The following GOLM1 variants were observed in gnomAD, a reference collection of about 807,000 sequenced individuals.
GOLM1 encodes golgi membrane protein 1, also known as epididymis luminal protein 46.
A neutral mutation model predicts 50.5 loss-of-function variants in GOLM1; 31 were observed. The ratio of observed to expected loss-of-function variants is 0.61; its 90% CI spans 0.46 to 0.83. The LOEUF is 0.83. Ranked by LOEUF, GOLM1 falls within the 40% of genes least tolerant of loss-of-function variation. GOLM1 has a pLI of 0.00. For synonymous variants in GOLM1, 178 were observed against 192.8 expected, an observed-to-expected ratio of 0.92 and a Z score of 0.64; for missense variants, 491 against 501.3, an observed-to-expected ratio of 0.98 and a Z score of 0.20.
At chr9:86,031,731 G>A (rs1832990194) in intron 9 of GOLM1, among the ~76,000 whole-genome samples, 1 of 151,512 alleles carries the variant, frequency 6.6e-6, no homozygotes, top group Non-Finnish European at 1.5e-5. Context: ...CAAAGTGCTG[G>A]GTTACAGGTG....
intron 3 of GOLM1, among the ~76,000 whole-genome samples, chr9:86,060,389 T>A (rs1424733450): frequency 1.3e-5 from 2 of 151,926 alleles, no homozygotes; most frequent in Admixed American, 1.3e-4. Context: ...GATTACACAC[T>A]CACACACTCA....
chr9:86,067,899 A>G (rs542347986), intron 3 of GOLM1, among the ~76,000 whole-genome samples: 1 of 152,228 alleles, frequency 6.6e-6, no homozygotes, highest in African/African-American at 2.4e-5. Context: ...CCAACTACTT[A>G]GGAGGCTGAG....
chr9:86,074,045 T>C (rs1017891238), intron 3 of GOLM1, among the ~76,000 whole-genome samples: 5 of 152,106 alleles, frequency 3.3e-5, no homozygotes, highest in Non-Finnish European at 4.4e-5. Context: ...TGACAGTGAC[T>C]GCTTGAGGTG....
chr9:86,075,534 C>T (rs1188648665), intron 3 of GOLM1, among the ~76,000 whole-genome samples: 1 of 152,128 alleles, frequency 6.6e-6, no homozygotes, highest in Non-Finnish European at 1.5e-5. Context: ...GAAAACAGAT[C>T]CAGAGAATTT....
chr9:86,062,877 A>G (rs1241485864), intron 3 of GOLM1, among the ~76,000 whole-genome samples: 2 of 152,138 alleles, frequency 1.3e-5, no homozygotes, highest in Non-Finnish European at 2.9e-5. Context: ...CCCAGAATGC[A>G]CTTTGAGGCT....
chr9:86,072,801 G>A (rs1454452219), intron 3 of GOLM1, among the ~76,000 whole-genome samples: 2 of 152,148 alleles, frequency 1.3e-5, no homozygotes, highest in Admixed American at 6.5e-5. Flanking sequence ...GGATATTATA[G>A]CCTACTGTAC....
chr9:86,076,421 CAAAAAAAAAAAAAAAAAAAA>C (rs58193076), intron 3 of GOLM1, among the ~76,000 whole-genome samples: 2 of 23,324 alleles, frequency 8.6e-5, no homozygotes, highest in Admixed American at 8.5e-4. Flanking sequence ...AACCCCATCT[CAAAAAAAAAAAAAAAAAAAA>C]AAAAAAAAAA....
chr9:86,088,923 T>C (rs906049143), intron 1 of GOLM1, among the ~76,000 whole-genome samples: 1 of 152,244 alleles, frequency 6.6e-6, no homozygotes, highest in African/African-American at 2.4e-5. Flanking sequence ...CCATATTTAG[T>C]GCTTCCTTTA....
intron 3 of GOLM1, among the ~76,000 whole-genome samples, chr9:86,071,761 G>A (rs1441179640): frequency 6.6e-6 from 1 of 151,874 alleles, no homozygotes; most frequent in Non-Finnish European, 1.5e-5. Context: ...TTTTTAAGAC[G>A]TGGGTCATTA....
intron 3 of GOLM1, among the ~76,000 whole-genome samples, chr9:86,054,167 A>T (rs1369790001): frequency 6.6e-6 from 1 of 152,192 alleles, no homozygotes; most frequent in African/African-American, 2.4e-5. Context: ...AAGTAGGAAG[A>T]ATGAGTGTCA....
intron 1 of GOLM1, among the ~76,000 whole-genome samples, chr9:86,094,242 G>A (rs1232918763): frequency 6.6e-6 from 1 of 152,040 alleles, no homozygotes; most frequent in African/African-American, 2.4e-5. Context: ...AAGTAGAACT[G>A]AAAAGTTGAG....
At chr9:86,064,300 A>C (rs914794350) in intron 3 of GOLM1, among the ~76,000 whole-genome samples, 2 of 152,208 alleles carry the variant, frequency 1.3e-5, no homozygotes, top group Non-Finnish European at 2.9e-5. Context: ...TTCTGAGACA[A>C]ACACTTTTAT....
chr9:86,065,649 C>T lies in GOLM1; in HGVS notation c.309+11763G>A, dbSNP rs555641088. 1.3e-4 allele frequency among the ~76,000 whole-genome samples: 20 copies of T among 152,292 alleles called. No homozygotes were observed. In the East Asian group the frequency reaches 2.1e-3, roughly 16 times the overall value. ...CCCCACGCCGGCCACTCTCAGGTGC[C>T]GGGAGCCTTCCATGACCTCTCTGGC... On this transcript the variant is annotated intron_variant, in intron 3 of 9. Coordinates refer to ENST00000388712, the MANE Select transcript of GOLM1 (RefSeq NM_016548.4).
intron 3 of GOLM1, among the ~76,000 whole-genome samples, chr9:86,054,375 C>G (rs1357716978): frequency 6.6e-6 from 1 of 151,480 alleles, no homozygotes; most frequent in Non-Finnish European, 1.5e-5. Flanking sequence ...TCAAGCAGTT[C>G]TCCTGCCTCA....
intron 3 of GOLM1, among the ~76,000 whole-genome samples, chr9:86,055,502 G>C (rs1258240307): frequency 2.0e-5 from 3 of 152,190 alleles, no homozygotes; most frequent in Non-Finnish European, 4.4e-5. Context: ...GTTCGCTGCA[G>C]CATCACTCAC....
At chr9:86,062,238 C>T (rs1563960462) in intron 3 of GOLM1, among the ~76,000 whole-genome samples, 1 of 152,222 alleles carries the variant, frequency 6.6e-6, no homozygotes, top group East Asian at 1.9e-4. Flanking sequence ...CACCCGGGTG[C>T]CCAGCTTGGC....
chr9:86,056,428 T>G lies in GOLM1; in HGVS notation c.310-3837A>C, dbSNP rs1159253439. On this transcript the variant is annotated intron_variant, in intron 3 of 9. Transcript: ENST00000388712. ...AACTACGAAAATGCTTCTTAGCTTCTTTCAGGGTTCAACATATTATAAAGA... is the reference window on the plus strand; with the variant it reads ...AACTACGAAAATGCTTCTTAGCTTCGTTCAGGGTTCAACATATTATAAAGA... 2.6e-5 allele frequency among the ~76,000 whole-genome samples: 4 copies of G among 151,748 alleles called. No individual in the cohort carries two copies. The East Asian group carries it at 7.7e-4, about 29-fold the overall frequency.
chr9:86,034,924 T>C (rs1354395850), intron 8 of GOLM1: 2 of 794,972 alleles, frequency 2.5e-6, no homozygotes, highest in African/African-American at 3.7e-5. Context: ...TCATTTTTTC[T>C]CAATGTTCAC....
chr9:86,078,717 G>A (rs1045461172), intron 2 of GOLM1, among the ~76,000 whole-genome samples: 17 of 152,106 alleles, frequency 1.1e-4, no homozygotes, highest in African/African-American at 2.9e-4. Flanking sequence ...TGACTGCACC[G>A]GTAAATGAGG....
Sources: gnomAD v4.1 joint callset for allele counts (sites outside exome capture counted in the v4.1 genomes callset) on GRCh38, gnomAD v4.1.1 for gene constraint, MANE v1.5 for transcripts, NCBI Gene and HGNC (gene_info 2026-07-23, HGNC 2026-07-21) for gene names.